The following AUTS2 variants were observed in gnomAD, a reference collection of about 807,000 sequenced individuals.
AUTS2 encodes the protein activator of transcription and developmental regulator AUTS2, also known as autism susceptibility gene 2 protein.
A neutral mutation model predicts 112.4 loss-of-function variants in AUTS2; 17 were observed. The ratio of observed to expected loss-of-function variants is 0.15; its 90% confidence interval spans 0.10 to 0.23. AUTS2 has a LOEUF of 0.23. Ranked by LOEUF, AUTS2 falls within the 10% of genes least tolerant of loss-of-function variation. The pLI is 1.00. For synonymous variants in AUTS2, 751 were observed against 702.7 expected, an observed-to-expected ratio of 1.07 and a Z score of -1.09; for missense variants, 1,510 against 1,701.6, an observed-to-expected ratio of 0.89 and a Z score of 1.98.
chr7:70,512,541 C>T (rs75478994), intron 5 of AUTS2, among the ~76,000 whole-genome samples: 1,534 of 152,214 alleles, frequency 0.01, 16 homozygotes, highest in African/African-American at 0.035. Flanking sequence ...CCTCCCGCTC[C>T]TCAGTAGGAA....
At chr7:70,300,006 A>G (rs376300052) in intron 4 of AUTS2, among the ~76,000 whole-genome samples, 2 of 152,192 alleles carry the variant, frequency 1.3e-5, no homozygotes, top group East Asian at 3.9e-4. Flanking sequence ...AAGAAAAATA[A>G]CACCTTATGT....
rs756975724 is a variant in AUTS2, at chr7:70,466,653, A to T, written c.690+30872A>T. Among the ~76,000 whole-genome samples, 3 of 152,248 alleles carry T rather than the reference A, an allele frequency of 2.0e-5. No individual in the cohort carries two copies. The South Asian group carries it at 6.2e-4, about 32-fold the overall frequency. The stretch of plus-strand genomic sequence containing the variant: ...ATGCACATATAAAGAAAAGTGAATA[A>T]TACCTGTTCACAATCTCAAAATACC... On this transcript the variant is annotated intron_variant, in intron 5 of 18. Coordinates refer to ENST00000342771, the MANE Select transcript of AUTS2 (RefSeq NM_015570.4).
At chr7:70,159,655 A>G (rs1347669182) in intron 4 of AUTS2, among the ~76,000 whole-genome samples, 1 of 152,174 alleles carries the variant, frequency 6.6e-6, no homozygotes, top group Non-Finnish European at 1.5e-5. Flanking sequence ...TTTAAATACC[A>G]AATTTATGCA....
intron 4 of AUTS2, among the ~76,000 whole-genome samples, chr7:70,180,012 G>A (rs143928146): frequency 3.4e-4 from 51 of 152,222 alleles, no homozygotes; most frequent in African/African-American, 1.2e-3. Flanking sequence ...TCATTTCTCT[G>A]CAAAATGCTG....
At chr7:69,874,210 TAGTG>T (rs912555506) in intron 1 of AUTS2, among the ~76,000 whole-genome samples, 9 of 148,644 alleles carry the variant, frequency 6.1e-5, no homozygotes, top group Non-Finnish European at 1.0e-4. Flanking sequence ...CTTGGCAACA[TAGTG>T]AGACCGTGTG....
At chr7:69,910,330 C>T (rs1362712335) in intron 2 of AUTS2, among the ~76,000 whole-genome samples, 1 of 152,188 alleles carries the variant, frequency 6.6e-6, no homozygotes, top group Non-Finnish European at 1.5e-5. Flanking sequence ...GTTGGCCCAG[C>T]AGGCTGCACT....
chr7:70,077,633 C>G (rs1226064809), intron 2 of AUTS2, among the ~76,000 whole-genome samples: 2 of 152,106 alleles, frequency 1.3e-5, no homozygotes, highest in African/African-American at 4.8e-5. Context: ...GGAAGTTGAC[C>G]AGAAATTATA....
At chr7:70,122,542 C>T (rs941609838) in intron 3 of AUTS2, among the ~76,000 whole-genome samples, 2 of 151,926 alleles carry the variant, frequency 1.3e-5, no homozygotes, top group African/African-American at 4.8e-5. Context: ...GGCAGTTTTT[C>T]ATTGGATGCC....
chr7:70,482,703 A>G (rs1278706050), intron 5 of AUTS2, among the ~76,000 whole-genome samples: 1 of 152,172 alleles, frequency 6.6e-6, no homozygotes, highest in African/African-American at 2.4e-5. Context: ...GCTTATCCCA[A>G]CGTCTCCGTG....
intron 6 of AUTS2, among the ~76,000 whole-genome samples, chr7:70,753,578 A>G (rs1788997507): frequency 1.3e-5 from 2 of 152,226 alleles, no homozygotes; most frequent in African/African-American, 4.8e-5. Context: ...AAGTAATTGA[A>G]TCTTCTAATG....
At chr7:70,680,821 C>T (rs918789470) in intron 5 of AUTS2, among the ~76,000 whole-genome samples, 7 of 152,142 alleles carry the variant, frequency 4.6e-5, no homozygotes, top group African/African-American at 1.7e-4. Flanking sequence ...AAACTCATTG[C>T]GAGGAAAATA....
At chr7:70,005,006 G>A (rs1041393505) in intron 2 of AUTS2, among the ~76,000 whole-genome samples, 4 of 151,884 alleles carry the variant, frequency 2.6e-5, no homozygotes, top group African/African-American at 9.7e-5. Flanking sequence ...TGTATTTTTA[G>A]TAGAGATGGG....
chr7:69,960,412 C>T (rs1184746126), intron 2 of AUTS2, among the ~76,000 whole-genome samples: 2 of 152,058 alleles, frequency 1.3e-5, no homozygotes, highest in Non-Finnish European at 2.9e-5. Context: ...AGCTAGTAGT[C>T]AATGAATATT....
intron 4 of AUTS2, among the ~76,000 whole-genome samples, chr7:70,322,460 A>G (rs1195352624): frequency 6.6e-6 from 1 of 152,140 alleles, no homozygotes; most frequent in African/African-American, 2.4e-5. Context: ...CCAAACTCCC[A>G]GCTTTTTTTA....
intron 2 of AUTS2, among the ~76,000 whole-genome samples, chr7:69,984,166 C>G (rs1198950584): frequency 6.6e-6 from 1 of 152,050 alleles, no homozygotes; most frequent in Non-Finnish European, 1.5e-5. Flanking sequence ...GCTTGTAATC[C>G]CAGCACTTTG....
intron 5 of AUTS2, among the ~76,000 whole-genome samples, chr7:70,652,362 G>A (rs1209483581): frequency 6.6e-6 from 1 of 151,688 alleles, no homozygotes; most frequent in African/African-American, 2.4e-5. Flanking sequence ...TTTTTTTTAG[G>A]GTTAGACAAT....
chr7:69,723,304 C>A (rs1049287378), intron 1 of AUTS2, among the ~76,000 whole-genome samples: 1 of 152,062 alleles, frequency 6.6e-6, no homozygotes, highest in Non-Finnish European at 1.5e-5. Context: ...TATTGGAATT[C>A]TTTCCTCTTT....
intron 2 of AUTS2, among the ~76,000 whole-genome samples, chr7:69,986,550 C>T (rs1798522692): frequency 6.6e-6 from 1 of 152,200 alleles, no homozygotes; most frequent in South Asian, 2.1e-4. Flanking sequence ...TGTTACTGCT[C>T]TTGGCCAAAG....
intron 5 of AUTS2, among the ~76,000 whole-genome samples, chr7:70,583,044 A>C (rs981926327): frequency 5.9e-5 from 9 of 152,286 alleles, no homozygotes; most frequent in African/African-American, 2.2e-4. Context: ...TTGCCTGTTT[A>C]AGTTTTATTT....
Sources: gnomAD v4.1 joint callset for allele counts (sites outside exome capture counted in the v4.1 genomes callset) on GRCh38, gnomAD v4.1.1 for gene constraint, MANE v1.5 for transcripts, NCBI Gene and HGNC (gene_info 2026-07-23, HGNC 2026-07-21) for gene names.